RARG: variants seen among roughly 807,000 people sequenced by gnomAD.
RARG encodes RAR-gamma.
In RARG, 17 loss-of-function variants were observed where a neutral mutation model predicts 43.7. That is an observed-to-expected ratio of 0.39 (90% CI 0.27 to 0.58). The LOEUF (loss-of-function observed/expected upper bound fraction) is 0.58. Among genes scored for constraint, RARG ranks in the 20% least tolerant of loss-of-function variants. RARG has a pLI of 0.57. For missense variants in RARG, 346 were observed against 598.7 expected, an observed-to-expected ratio of 0.58 and a Z score of 4.40; for synonymous variants, 238 against 236.4, an observed-to-expected ratio of 1.01 and a Z score of -0.06.
intron 3 of RARG, chr12:53,220,194 G>T (rs767309075): frequency 7.1e-6 from 11 of 1,548,912 alleles, no homozygotes; most frequent in Middle Eastern, 1.8e-4. Context: ...GCTCCAGCAG[G>T]GGGGGAGGGG....
chr12:53,213,660 G>A lies in RARG; in HGVS notation c.854C>T (p.Thr285Ile). 6.2e-7 allele frequency: 1 copy of A among 1,614,018 alleles called. No individual in the cohort carries two copies. The highest frequency in any genetic ancestry group is 1.1e-5 in the South Asian group (1 of 91,066). The change falls in exon 8 of 10, where the codon ACC becomes ATC. Residue 285 changes from threonine (T) to isoleucine (I), a missense_variant. This residue lies in a region of RARG where 37 missense variants were observed against 146.3 expected (regional missense o/e 0.25). Transcript: ENST00000425354. This position sits in a 1 kb window ranked among gnomAD's most constrained non-coding sequence, Gnocchi z 4.7. ...ICTRYTPEQD[T>I]MTFSDGLTLN... ...GGTCAGCCCGTCGGAGAAGGTCATG[G>A]TGTCCTGCTCTGGGGTGTACCTTGT...
chr12:53,227,445 CT>C lies in RARG; in HGVS notation c.100del (p.Arg34GlyfsTer9). Reference sequence around the variant, plus strand: ...CAGCATCTCGAAAGGCGGAGACCCCCTGAGTGCCCCTGGGAAGGCGAAGGGG... The same window carrying C: ...CAGCATCTCGAAAGGCGGAGACCCCCGAGTGCCCCTGGGAAGGCGAAGGGG... ...GFPFAFPGAL[R>X]GSPPFEMLSP... On this transcript the variant is annotated frameshift_variant, in exon 3 of 10. Coordinates refer to ENST00000425354, the MANE Select transcript of RARG (RefSeq NM_000966.6). LOFTEE classifies it high-confidence loss of function. This position sits in a 1 kb window ranked among gnomAD's most constrained non-coding sequence, Gnocchi z 4.3. 1 of 1,610,644 alleles carries C rather than the reference CT, an allele frequency of 6.2e-7. No homozygotes were observed. Among genetic ancestry groups the C allele is most frequent in the Non-Finnish European group, 8.5e-7 (1 of 1,178,566 alleles).
chr12:53,224,192 C>T (rs1384954814), intron 3 of RARG, among the ~76,000 whole-genome samples: 1 of 152,096 alleles, frequency 6.6e-6, no homozygotes, highest in Non-Finnish European at 1.5e-5. Context: ...CACGTGCTCC[C>T]TGAGCCTCCC....
chr12:53,211,721 C>T lies in RARG; in HGVS notation c.1320G>A (p.Glu440=). ...GPHPNASSED[E]VPGGQGKGGL... is the part of the protein sequence containing the mutation. ...CCCCTTTGCCCTGGCCCCCAGGAAC[C>T]TCATCCTCGCTAGAGGCATTGGGGT... Residue 440 remains glutamate, a synonymous_variant, in exon 10 of 10, where the codon GAG becomes GAA. Transcript: ENST00000425354. The surrounding 1 kb of genome is among the most constrained non-coding windows in gnomAD (Gnocchi z 4.6). 3.2e-6 allele frequency: 5 copies of T among 1,562,204 alleles called. No homozygotes were observed. Among genetic ancestry groups the T allele is most frequent in the Non-Finnish European group, 4.3e-6 (5 of 1,155,386 alleles).
At chr12:53,214,711 A>G in intron 5 of RARG, 105 bp from the exon 6 acceptor site, 4 of 1,194,140 alleles carry the variant, frequency 3.3e-6, no homozygotes, top group Middle Eastern at 2.3e-4. Context: ...ATGAATATCT[A>G]TTCTCTGGCA....
chr12:53,214,801 C>T, intron 5 of RARG, 195 bp from the exon 6 acceptor site: 4 of 575,796 alleles, frequency 6.9e-6, no homozygotes, highest in Non-Finnish European at 8.8e-6. Flanking sequence ...CCACCCAGGG[C>T]CTGCAGCCCC....
chr12:53,214,844 G>T (rs1942714185), intron 5 of RARG: 3 of 485,610 alleles, frequency 6.2e-6, no homozygotes. Flanking sequence ...GCTCCATCCT[G>T]TCCTTCCTGT....
At chr12:53,216,471 G>C in intron 3 of RARG, among the ~76,000 whole-genome samples, 1 of 152,182 alleles carries the variant, frequency 6.6e-6, no homozygotes. Flanking sequence ...GTGAGAGGAT[G>C]CACCACAGCC....
intron 2 of RARG, among the ~76,000 whole-genome samples, chr12:53,230,881 G>A (rs1423486008): frequency 2.4e-5 from 3 of 123,954 alleles, no homozygotes; most frequent in East Asian, 2.4e-4. Flanking sequence ...GTGTGTGTGT[G>A]TATGTCTGTC....
intron 3 of RARG, among the ~76,000 whole-genome samples, chr12:53,226,215 G>A (rs1443617894): frequency 2.0e-5 from 3 of 152,138 alleles, no homozygotes; most frequent in African/African-American, 7.2e-5. Context: ...TGCAACCTTC[G>A]CTTCTGGGTT....
intron 3 of RARG, among the ~76,000 whole-genome samples, chr12:53,216,841 T>TGTGTGTGTGTGCGCGC (rs1430491578): frequency 4.6e-5 from 6 of 129,384 alleles, no homozygotes; most frequent in African/African-American, 1.7e-4. Flanking sequence ...TGTGTGTGTG[T>TGTGTGTGTGTGCGCGC]GCGCGCGCGC....
rs202210396 is a variant in RARG, at chr12:53,227,412, C to T, written c.134G>A (p.Ser45Asn). The change falls in exon 3 of 10, where the codon AGC becomes AAC. Residue 45 changes from serine (S) to asparagine (N), a missense_variant. Around this residue, in one of 8 missense-constraint regions of RARG, gnomAD observed 90 missense variants for 93.2 expected, o/e 0.97. Coordinates refer to ENST00000425354, the MANE Select transcript of RARG (RefSeq NM_000966.6). This position sits in a 1 kb window ranked among gnomAD's most constrained non-coding sequence, Gnocchi z 4.3. ...GTCAGGCTGGCCCAGGCCCCGGAAG[C>T]TAGGGCTCAGCATCTCGAAAGGCGG... ...GSPPFEMLSP[S>N]FRGLGQPDLP... is the part of the protein sequence containing the mutation. The T allele has an allele frequency of 6.2e-7, 1 of 1,605,046 alleles. No individual in the cohort carries two copies. The highest frequency in any genetic ancestry group is 1.3e-5 in the African/African-American group (1 of 74,626).
At chr12:53,231,138 C>G (rs1196682043) in intron 2 of RARG, 31 bp downstream of exon 2, 1 of 152,546 alleles carries the variant, frequency 6.6e-6, no homozygotes, top group Admixed American at 6.5e-5. Context: ...CCCCTGCCCC[C>G]ACCACCACTA....
At chr12:53,212,991 AC>A in intron 9 of RARG, 93 bp downstream of exon 9, 1 of 1,363,696 alleles carries the variant, frequency 7.3e-7, no homozygotes, top group Non-Finnish European at 9.8e-7. Flanking sequence ...CTGGTTCTCA[AC>A]TACTCTGTTC....
intron 9 of RARG, among the ~76,000 whole-genome samples, chr12:53,212,848 T>C (rs868745119): frequency 7.7e-4 from 117 of 152,092 alleles, no homozygotes; most frequent in African/African-American, 2.6e-3. Flanking sequence ...AGATGCTTAA[T>C]AGCCACATGT....
In RARG at chr12:53,227,399, C is replaced by A; in HGVS notation, c.147G>T (p.Leu49=). Reference sequence around the variant, plus strand: ...TCTCCTTGGGGAGGTCAGGCTGGCCCAGGCCCCGGAAGCTAGGGCTCAGCA... The same window carrying A: ...TCTCCTTGGGGAGGTCAGGCTGGCCAAGGCCCCGGAAGCTAGGGCTCAGCA... The part of the protein sequence containing the change: ...FEMLSPSFRG[L]GQPDLPKEMA... The change falls in exon 3 of 10, where the codon CTG becomes CTT. Residue 49 remains leucine, a synonymous_variant. Coordinates refer to ENST00000425354, the MANE Select transcript of RARG (RefSeq NM_000966.6). This position sits in a 1 kb window ranked among gnomAD's most constrained non-coding sequence, Gnocchi z 4.3. 1 of 1,599,496 alleles carries A rather than the reference C, an allele frequency of 6.3e-7. No homozygotes were observed. The highest frequency in any genetic ancestry group is 1.7e-5 in the Admixed American group (1 of 57,684).
intron 2 of RARG, chr12:53,229,866 G>T: frequency 1.2e-6 from 1 of 807,838 alleles, no homozygotes; most frequent in Non-Finnish European, 1.5e-6. Context: ...GGCAGGTAGG[G>T]CAGTGGGGGT....
At chr12:53,231,910 C>T in intron 1 of RARG, 64 bp downstream of exon 1, 1 of 394,984 alleles carries the variant, frequency 2.5e-6, no homozygotes, top group Non-Finnish European at 4.5e-6. Flanking sequence ...GCCCCCTCCC[C>T]CAGCCGCCTC....
chr12:53,211,802 T>G lies in RARG; in HGVS notation c.1239A>C (p.Arg413=). 6.4e-7 allele frequency: 1 copy of G among 1,554,904 alleles called. No individual in the cohort carries two copies. Among genetic ancestry groups the G allele is most frequent in the Non-Finnish European group, 8.7e-7 (1 of 1,149,306 alleles). The change falls in exon 10 of 10, where the codon CGA becomes CGC. Residue 413 remains arginine, a synonymous_variant. Coordinates refer to ENST00000425354, the MANE Select transcript of RARG (RefSeq NM_000966.6). The surrounding 1 kb of genome is among the most constrained non-coding windows in gnomAD (Gnocchi z 4.6). ...ACATTTCAGGGTTCTCCAGCATCTCTCGGATTAAGGGAGGCATCGGGCCTG... is the reference window on the plus strand; with the variant it reads ...ACATTTCAGGGTTCTCCAGCATCTCGCGGATTAAGGGAGGCATCGGGCCTG... ...EIPGPMPPLI[R]EMLENPEMFE...
Sources: gnomAD v4.1 joint callset for allele counts (sites outside exome capture counted in the v4.1 genomes callset) on GRCh38, gnomAD v4.1.1 for gene constraint, gnomAD v4.1.1 regional missense constraint, Gnocchi (gnomAD v3.1) non-coding constraint, MANE v1.5 for transcripts, NCBI Gene and HGNC (gene_info 2026-07-23, HGNC 2026-07-21) for gene names.